Variants in MAN1C1 observed in about 807,000 individuals in gnomAD.
MAN1C1 encodes mannosidase alpha class 1C member 1.
MAN1C1 carries 49 observed loss-of-function variants against 71.5 expected under a neutral mutation model. The ratio of observed to expected loss-of-function variants is 0.69; its 90% CI spans 0.54 to 0.87. MAN1C1 has a LOEUF of 0.87. MAN1C1 is among the 40% of genes least tolerant of loss of function. The pLI, the probability that MAN1C1 is intolerant of heterozygous loss-of-function variation, is 0.00. For synonymous variants in MAN1C1, 352 were observed against 343.7 expected (o/e 1.02, Z -0.27); for missense variants, 743 against 835.0 (o/e 0.89, Z 1.36).
chr1:25,741,173 G>T (rs1241400978), intron 2 of MAN1C1, among the ~76,000 whole-genome samples: 1 of 151,970 alleles, frequency 6.6e-6, no homozygotes, highest in Non-Finnish European at 1.5e-5. Flanking sequence ...GTAGAGACAG[G>T]GTTTCACTAT....
Position 25,749,299 on chromosome 1 carries a change from G to T in MAN1C1, c.798G>T (p.Gly266=), listed in dbSNP as rs572399191. 1 of 1,612,482 alleles carries T rather than the reference G, an allele frequency of 6.2e-7. No homozygotes were observed. ...TTGAGGTGAACATCCGCTACATCGG[G>T]GGACTCCTCTCAGCCTTCTACCTGA... ...SLFEVNIRYI[G]GLLSAFYLTG... is the part of the protein sequence containing the mutation. Residue 266 remains glycine (G), a synonymous_variant, in exon 4 of 12, where the codon GGG becomes GGT. Coordinates refer to ENST00000374332, the MANE Select transcript of MAN1C1 (RefSeq NM_020379.4).
At chr1:25,749,358 C>A in intron 4 of MAN1C1, 23 bp downstream of exon 4, 1 of 1,576,900 alleles carries the variant, frequency 6.3e-7, no homozygotes. Flanking sequence ...TTCATGACCC[C>A]TGAACTGTCC....
chr1:25,782,673 A>AGAGCTTCTTTCTAGCG lies in MAN1C1; in HGVS notation c.1743_1758dup (p.Thr587LeufsTer16). 6.2e-7 allele frequency: 1 copy of AGAGCTTCTTTCTAGCG among 1,614,062 alleles called. No individual in the cohort carries two copies. Among genetic ancestry groups the AGAGCTTCTTTCTAGCG allele is most frequent in the Non-Finnish European group, 8.5e-7 (1 of 1,179,956 alleles). ...ACCCCCAACCACGACAACAAGCAGC[A>AGAGCTTCTTTCTAGCG]GAGCTTCTTTCTAGCGGAGACACTA... On this transcript the variant is annotated frameshift_variant, in exon 11 of 12. Transcript: ENST00000374332. LOFTEE classifies it high-confidence loss of function. This position sits in a 1 kb window ranked among gnomAD's most constrained non-coding sequence, Gnocchi z 4.4.
intron 3 of MAN1C1, among the ~76,000 whole-genome samples, chr1:25,749,028 A>C (rs2047176146): frequency 6.6e-6 from 1 of 152,182 alleles, no homozygotes; most frequent in Admixed American, 6.5e-5. Context: ...AGGGCTGGGG[A>C]AGGAAGCCAA....
At chr1:25,686,907 G>A (rs931241656) in intron 2 of MAN1C1, among the ~76,000 whole-genome samples, 31 of 152,274 alleles carry the variant, frequency 2.0e-4, no homozygotes, top group African/African-American at 7.0e-4. Context: ...CTGGAGTGTG[G>A]CTGTGAAATG....
At chr1:25,618,394 C>A in intron 1 of MAN1C1, 57 bp downstream of exon 1, 2 of 1,498,178 alleles carry the variant, frequency 1.3e-6, no homozygotes, top group Non-Finnish European at 1.8e-6. Flanking sequence ...GGAGAGAAGA[C>A]CCTCTGGCGC....
chr1:25,744,592 C>A (rs2047103422), intron 2 of MAN1C1, among the ~76,000 whole-genome samples: 1 of 152,166 alleles, frequency 6.6e-6, no homozygotes, highest in South Asian at 2.1e-4. Flanking sequence ...GTAATAGATT[C>A]TTTGACCTCC....
Position 25,618,358 on chromosome 1 carries a change from C to T in MAN1C1, c.540+21C>T, listed in dbSNP as rs3767924. On this transcript the variant is annotated intron_variant, in intron 1 of 11. Transcript: ENST00000374332. ...AGGAGGTATGGACTCAGCCCCCAAA[C>T]TCCTCCCACCAACTGCCCCCTCTAA... 0.046 allele frequency: 72,595 copies of T among 1,580,300 alleles called. 11,700 individuals carry two copies. The African/African-American group carries it at 0.49, about 11-fold the overall frequency.
intron 3 of MAN1C1, among the ~76,000 whole-genome samples, chr1:25,748,815 GC>G (rs1230790984): frequency 6.6e-6 from 1 of 152,194 alleles, no homozygotes; most frequent in Non-Finnish European, 1.5e-5. Context: ...TTCCCTGTCT[GC>G]CCCACAGCCT....
At chr1:25,696,396 A>C (rs1215219424) in intron 2 of MAN1C1, among the ~76,000 whole-genome samples, 2 of 150,602 alleles carry the variant, frequency 1.3e-5, no homozygotes, top group South Asian at 2.1e-4. Context: ...CTGGTCTTCT[A>C]ACTTGAGCCT....
In MAN1C1 at chr1:25,778,559, T is replaced by C. The variant is rs1468693393; in HGVS notation, c.1477+235T>C. The stretch of plus-strand genomic sequence containing the variant: ...GCATGTACCTGGTACTCTTCCGCAC[T>C]TGACACAACATCACTGAACCTCACC... On this transcript the variant is annotated intron_variant, in intron 9 of 11. Coordinates refer to ENST00000374332, the MANE Select transcript of MAN1C1 (RefSeq NM_020379.4). The surrounding 1 kb of genome is among the most constrained non-coding windows in gnomAD (Gnocchi z 5.5). 6.6e-6 allele frequency among the ~76,000 whole-genome samples: 1 copy of C among 152,166 alleles called. No homozygotes were observed. The highest frequency in any genetic ancestry group is 1.9e-4 in the East Asian group (1 of 5,194).
chr1:25,763,972 G>A lies in MAN1C1; in HGVS notation c.1141+5G>A. 1.2e-6 allele frequency: 2 copies of A among 1,610,746 alleles called. No individual in the cohort carries two copies. The highest frequency in any genetic ancestry group is 1.7e-5 in the Admixed American group (1 of 60,024). On this transcript the variant is annotated splice_donor_5th_base_variant and intron_variant, in intron 7 of 11. Transcript: ENST00000374332. ...TGAGTGGGAACTGGGTGCAACGTGA[G>A]TACAGAGACGCCACTGCCCCTTATT...
chr1:25,737,444 G>T (rs1172006387), intron 2 of MAN1C1, among the ~76,000 whole-genome samples: 1 of 152,240 alleles, frequency 6.6e-6, no homozygotes, highest in African/African-American at 2.4e-5. Context: ...ACTACTGTGT[G>T]TGCTGTGTCT....
intron 2 of MAN1C1, among the ~76,000 whole-genome samples, chr1:25,719,392 A>G (rs925542999): frequency 1.5e-4 from 22 of 143,756 alleles, no homozygotes; most frequent in Non-Finnish European, 2.7e-4. Flanking sequence ...ATTATTTTTT[A>G]TCTTTTATTT....
chr1:25,628,405 T>A (rs2045330287), intron 1 of MAN1C1, among the ~76,000 whole-genome samples: 2 of 152,162 alleles, frequency 1.3e-5, no homozygotes, highest in Non-Finnish European at 1.5e-5. Flanking sequence ...CCTCCCGGGT[T>A]CAAGCAATTC....
At chr1:25,650,964 T>C (rs2045683055) in intron 1 of MAN1C1, among the ~76,000 whole-genome samples, 1 of 152,194 alleles carries the variant, frequency 6.6e-6, no homozygotes, top group Admixed American at 6.5e-5. Context: ...TAAACTTTTT[T>C]TTTTACTTAT....
intron 1 of MAN1C1, among the ~76,000 whole-genome samples, chr1:25,642,529 C>A (rs2045551973): frequency 1.3e-5 from 2 of 152,186 alleles, no homozygotes; most frequent in South Asian, 4.1e-4. Flanking sequence ...GTGTGAGAAT[C>A]CTCCCCAGGG....
At chr1:25,710,796 T>C (rs2046603213) in intron 2 of MAN1C1, among the ~76,000 whole-genome samples, 1 of 152,188 alleles carries the variant, frequency 6.6e-6, no homozygotes, top group Admixed American at 6.5e-5. Flanking sequence ...TTAGTAAAGA[T>C]GAAAACAATG....
intron 1 of MAN1C1, among the ~76,000 whole-genome samples, chr1:25,667,148 A>G (rs1209755381): frequency 2.0e-5 from 3 of 152,132 alleles, no homozygotes; most frequent in Non-Finnish European, 4.4e-5. Context: ...TCAAAATCCC[A>G]CCAGTTGAAG....
Sources: gnomAD v4.1 joint callset for allele counts (sites outside exome capture counted in the v4.1 genomes callset) on GRCh38, gnomAD v4.1.1 for gene constraint, Gnocchi (gnomAD v3.1) non-coding constraint, MANE v1.5 for transcripts, NCBI Gene and HGNC (gene_info 2026-07-23, HGNC 2026-07-21) for gene names.